USP34: variants seen among roughly 807,000 people sequenced by gnomAD.
USP34 encodes the protein ubiquitin carboxyl-terminal hydrolase 34.
USP34 carries 70 observed loss-of-function variants against 460.3 expected under a neutral mutation model. The observed-to-expected ratio is 0.15, with a 90% CI of 0.13 to 0.19. The LOEUF is 0.19. Ranked by LOEUF, USP34 falls within the 10% of genes least tolerant of loss-of-function variation. The pLI is 1.00. For missense variants in USP34, 3,985 were observed against 4,236.2 expected (o/e 0.94, Z 1.65); for synonymous variants, 1,647 against 1,405.3 (o/e 1.17, Z -3.85).
In USP34 at chr2:61,236,148, A is replaced by G. The variant is rs1257430178; in HGVS notation, c.6918+13T>C. 3.1e-6 allele frequency: 5 copies of G among 1,602,506 alleles called. No homozygotes were observed. Among genetic ancestry groups the G allele is most frequent in the Non-Finnish European group, 4.3e-6 (5 of 1,176,352 alleles). ...ATTTTGACAGAATTATTTAAAGTTC[A>G]TATATTTATTACCTTTGCTGTCATT... On this transcript the variant is annotated intron_variant, in intron 55 of 79. Transcript: ENST00000398571.
In USP34 at chr2:61,203,252, G is replaced by A. The variant is rs1166134734; in HGVS notation, c.9396C>T (p.Asp3132=). The A allele has an allele frequency of 5.8e-6, 9 of 1,558,802 alleles. No individual in the cohort carries two copies. The highest frequency in any genetic ancestry group is 1.3e-5 in the South Asian group (1 of 79,234). Residue 3132 remains aspartate, a synonymous_variant, in exon 75 of 80, where the codon GAC becomes GAT. Coordinates refer to ENST00000398571, the MANE Select transcript of USP34 (RefSeq NM_014709.4). ...AGTCTAGCAGCATACGATCATAAAC[G>A]TCATCTTTGCCCTGAAGGTTAAAGA... The part of the protein sequence containing the change: ...TMVETSKGKD[D]VYDRMLLDYF...
rs373178735 is a variant in USP34, at chr2:61,295,274, T to C, written c.4271A>G (p.Asn1424Ser). The C allele has an allele frequency of 3.7e-6, 6 of 1,603,938 alleles. No homozygotes were observed. The highest frequency in any genetic ancestry group is 5.1e-6 in the Non-Finnish European group (6 of 1,176,476). Residue 1424 changes from asparagine (N) to serine (S), a missense_variant, in exon 31 of 80, where the codon AAT (asparagine) becomes AGT (serine). Coordinates refer to ENST00000398571, the MANE Select transcript of USP34 (RefSeq NM_014709.4). Reference sequence around the variant, plus strand: ...CTTAATTTTGAGAAGTTCTTTCCAATTAAATCCATCATTACTCTTAAATTA... The same window carrying C: ...CTTAATTTTGAGAAGTTCTTTCCAACTAAATCCATCATTACTCTTAAATTA... ...ISDEQSNDGF[N>S]WKELLKIKSA...
chr2:61,441,350 C>T (rs1397269565), intron 1 of USP34, among the ~76,000 whole-genome samples: 2 of 152,072 alleles, frequency 1.3e-5, no homozygotes, highest in African/African-American at 4.8e-5. Flanking sequence ...ACCTCTTATA[C>T]TTTCTGCGCC....
chr2:61,325,558 A>G, intron 20 of USP34, 101 bp from the exon 21 acceptor site: 1 of 618,934 alleles, frequency 1.6e-6, no homozygotes. Context: ...AATTGTTTTA[A>G]TAATTCATAA....
At chr2:61,256,100 T>A (rs1403202018) in intron 48 of USP34, among the ~76,000 whole-genome samples, 1 of 152,218 alleles carries the variant, frequency 6.6e-6, no homozygotes, top group Non-Finnish European at 1.5e-5. Flanking sequence ...TCGATACAGA[T>A]AATGATGAAA....
chr2:61,464,566 A>G (rs538926303), intron 1 of USP34, among the ~76,000 whole-genome samples: 64 of 138,792 alleles, frequency 4.6e-4, no homozygotes, highest in African/African-American at 1.5e-3. Context: ...ACGAATACAC[A>G]GAGTAAAATC....
At chr2:61,438,899 T>A (rs1220851759) in intron 1 of USP34, among the ~76,000 whole-genome samples, 2 of 152,114 alleles carry the variant, frequency 1.3e-5, no homozygotes, top group African/African-American at 4.8e-5. Context: ...GCAGATGACA[T>A]GACCTTATAT....
At chr2:61,316,447 T>C (rs1207320132) in intron 23 of USP34, among the ~76,000 whole-genome samples, 12 of 150,982 alleles carry the variant, frequency 7.9e-5, no homozygotes, top group Admixed American at 7.3e-4. Flanking sequence ...TAGCTGGGCG[T>C]GGTGGTGCAT....
chr2:61,454,799 T>C (rs1176013260), intron 1 of USP34, among the ~76,000 whole-genome samples: 3 of 150,620 alleles, frequency 2.0e-5, no homozygotes, highest in South Asian at 4.2e-4. Flanking sequence ...TCCGCCCGCC[T>C]AGGCCTCCCA....
intron 5 of USP34, 146 bp from the exon 6 acceptor site, chr2:61,383,482 A>G: frequency 2.0e-6 from 1 of 492,184 alleles, no homozygotes; most frequent in Non-Finnish European, 3.7e-6. Flanking sequence ...AGGTGGGCAG[A>G]TCCGAAGGTC....
intron 1 of USP34, among the ~76,000 whole-genome samples, chr2:61,465,986 T>C (rs1282698688): frequency 1.3e-5 from 2 of 148,992 alleles, no homozygotes; most frequent in African/African-American, 2.5e-5. Flanking sequence ...CAAAAAAAAA[T>C]AAAATAAAAT....
chr2:61,258,881 A>G (rs750978136), intron 44 of USP34, among the ~76,000 whole-genome samples: 4 of 152,228 alleles, frequency 2.6e-5, no homozygotes, highest in Admixed American at 6.5e-5. Context: ...AGGATGAGAC[A>G]CAACAGATTC....
At position 61,208,934 on chromosome 2, in the gene USP34, C is replaced by T. The variant is rs1158481243; in HGVS notation, c.8884G>A (p.Val2962Ile). 1 of 1,595,902 alleles carries T rather than the reference C, an allele frequency of 6.3e-7. No homozygotes were observed. Residue 2962 changes from valine (V) to isoleucine (I), a missense_variant, in exon 70 of 80, where the codon GTT (valine) becomes ATT (isoleucine). Around this residue, in one of 14 missense-constraint regions of USP34, gnomAD observed 275 missense variants for 292.7 expected, o/e 0.94. Coordinates refer to ENST00000398571, the MANE Select transcript of USP34 (RefSeq NM_014709.4). Reference sequence around the variant, plus strand: ...AGAATCAATCCTCGATTAAATACAACAAGAAGTCTGTCTTCATCAGATTCT... The same window carrying T: ...AGAATCAATCCTCGATTAAATACAATAAGAAGTCTGTCTTCATCAGATTCT... ...LLESDEDRLL[V>I]VFNRGLILMT...
Position 61,293,523 on chromosome 2 carries a change from A to G in USP34, c.4489T>C (p.Leu1497=). 6.2e-7 allele frequency: 1 copy of G among 1,612,860 alleles called. No individual in the cohort carries two copies. Among genetic ancestry groups the G allele is most frequent in the Non-Finnish European group, 8.5e-7 (1 of 1,179,332 alleles). Residue 1497 remains leucine, a synonymous_variant, in exon 33 of 80, where the codon TTA becomes CTA. Coordinates refer to ENST00000398571, the MANE Select transcript of USP34 (RefSeq NM_014709.4). The part of the protein sequence containing the change: ...KFVAAGGLQQ[L]LEIFNSGILE... Reference sequence around the variant, plus strand: ...ATTCCAGAATTAAAAATTTCTAATAACTGTTGAAGCCCTCCAGCAGCAACA... The same window carrying G: ...ATTCCAGAATTAAAAATTTCTAATAGCTGTTGAAGCCCTCCAGCAGCAACA...
rs144593736 is a variant in USP34 at position 61,352,835 on chromosome 2, C to T, written c.1252-2142G>A. On this transcript the variant is annotated intron_variant, in intron 10 of 79. Transcript: ENST00000398571. Reference sequence around the variant, plus strand: ...AAGGAGGATGAAGAAACAAAGATGACGAAGAGGACAAAGACGATGAAAACA... The same window carrying T: ...AAGGAGGATGAAGAAACAAAGATGATGAAGAGGACAAAGACGATGAAAACA... 3.3e-4 allele frequency among the ~76,000 whole-genome samples: 50 copies of T among 150,934 alleles called. No homozygotes were observed. In the Middle Eastern group the frequency reaches 0.01, roughly 31 times the overall value.
intron 66 of USP34, among the ~76,000 whole-genome samples, 193 bp from the exon 67 acceptor site, chr2:61,220,650 AAT>A (rs1224714714): frequency 2.0e-5 from 3 of 152,218 alleles, no homozygotes; most frequent in Non-Finnish European, 4.4e-5. Flanking sequence ...TGTTCAGAAA[AAT>A]ATGTCACTGG....
chr2:61,357,607 G>C (rs536311751), intron 10 of USP34, among the ~76,000 whole-genome samples: 1 of 152,286 alleles, frequency 6.6e-6, no homozygotes, highest in Admixed American at 6.5e-5. Flanking sequence ...TATGAAAATA[G>C]TACAGAAAGC....
chr2:61,187,800 T>C lies in USP34; in HGVS notation c.*302A>G, dbSNP rs1051613636. 29 of 843,798 alleles carry C rather than the reference T, an allele frequency of 3.4e-5. No homozygotes were observed. The highest frequency in any genetic ancestry group is 6.2e-5 in the East Asian group (1 of 16,228). 52.3% of individuals were successfully genotyped at this position (843,798 alleles called of 1,614,324 possible). ...AAAATGCTGTAAGTTTAAATTACAT[T>C]GTACAGGGCTAGGCAACCCTGTTCT... On this transcript the variant is annotated 3_prime_UTR_variant, in exon 80 of 80. Transcript: ENST00000398571.
intron 20 of USP34, among the ~76,000 whole-genome samples, chr2:61,329,313 A>C (rs912340489): frequency 3.3e-5 from 5 of 152,106 alleles, no homozygotes; most frequent in East Asian, 1.9e-4. Context: ...GCCATGAGCC[A>C]CCATGCCTGG....
Sources: allele counts gnomAD v4.1 joint callset (sites outside exome capture counted in the v4.1 genomes callset), GRCh38; gene constraint gnomAD v4.1.1; regional missense constraint gnomAD v4.1.1; transcripts MANE v1.5; gene names NCBI Gene and HGNC (gene_info 2026-07-23, HGNC 2026-07-21).